ARHGAP24: variants seen among roughly 807,000 people sequenced by gnomAD.
ARHGAP24 encodes rho GTPase-activating protein 24.
ARHGAP24 carries 50 observed loss-of-function variants against 76.4 expected under a neutral mutation model. The ratio of observed to expected loss-of-function variants is 0.65; its 90% CI spans 0.52 to 0.83. The LOEUF (loss-of-function observed/expected upper bound fraction) is 0.83. ARHGAP24 is among the 40% of genes least tolerant of loss of function. The pLI, the probability that ARHGAP24 is intolerant of heterozygous loss-of-function variation, is 0.00. For synonymous variants in ARHGAP24, 345 were observed against 323.3 expected (o/e 1.07, Z -0.72); for missense variants, 930 against 914.2 (o/e 1.02, Z -0.22).
At chr4:85,549,788 A>G (rs939926836) in intron 1 of ARHGAP24, among the ~76,000 whole-genome samples, 2 of 152,134 alleles carry the variant, frequency 1.3e-5, no homozygotes, top group Non-Finnish European at 2.9e-5. Flanking sequence ...AGGCCCTGGC[A>G]TCTCTCGCTC....
At chr4:85,996,367 A>G (rs933318872) in intron 9 of ARHGAP24, among the ~76,000 whole-genome samples, 9 of 152,250 alleles carry the variant, frequency 5.9e-5, no homozygotes, top group Non-Finnish European at 1.5e-5. Context: ...CAATTATGCT[A>G]AAACCTAATT....
intron 3 of ARHGAP24, among the ~76,000 whole-genome samples, chr4:85,732,048 A>G (rs1725430891): frequency 2.0e-5 from 3 of 152,230 alleles, no homozygotes; most frequent in Admixed American, 2.0e-4. Flanking sequence ...GGTTTTAATT[A>G]TGCATTCTCA....
chr4:85,577,442 A>G (rs1221698774), intron 2 of ARHGAP24, among the ~76,000 whole-genome samples: 1 of 152,160 alleles, frequency 6.6e-6, no homozygotes, highest in Non-Finnish European at 1.5e-5. Flanking sequence ...GAAGGATCAG[A>G]TGGACCAGAC....
intron 3 of ARHGAP24, among the ~76,000 whole-genome samples, chr4:85,902,527 G>T (rs1382417084): frequency 6.6e-6 from 1 of 152,188 alleles, no homozygotes; most frequent in African/African-American, 2.4e-5. Context: ...AGAGAAGAAA[G>T]TAAAACCTCC....
intron 1 of ARHGAP24, among the ~76,000 whole-genome samples, chr4:85,484,023 A>G (rs1290426176): frequency 6.6e-6 from 1 of 152,232 alleles, no homozygotes; most frequent in Non-Finnish European, 1.5e-5. Flanking sequence ...GTACACATTG[A>G]TATTGTATTG....
intron 3 of ARHGAP24, among the ~76,000 whole-genome samples, chr4:85,847,943 TGAA>T (rs1466007467): frequency 6.6e-6 from 1 of 152,092 alleles, no homozygotes; most frequent in Non-Finnish European, 1.5e-5. Context: ...ATTTTTCAGT[TGAA>T]GAAAATCCAT....
intron 9 of ARHGAP24, among the ~76,000 whole-genome samples, chr4:85,998,222 G>T (rs1002749614): frequency 6.6e-6 from 1 of 151,966 alleles, no homozygotes; most frequent in South Asian, 2.1e-4. Flanking sequence ...TTATAATTTT[G>T]TCATATTTTA....
chr4:85,475,706 GGGGGGC>G (rs1722563978), intron 1 of ARHGAP24, 147 bp downstream of exon 1: 1 of 69,364 alleles, frequency 1.4e-5, no homozygotes, highest in Non-Finnish European at 3.5e-5. Context: ...AGGGGGCTGC[GGGGGGC>G]GGGGAGGGGG....
chr4:85,955,649 G>GGAAATACT (rs1427754130), intron 5 of ARHGAP24, among the ~76,000 whole-genome samples: 3 of 152,034 alleles, frequency 2.0e-5, no homozygotes, highest in Non-Finnish European at 4.4e-5. Context: ...CCATAACTTG[G>GGAAATACT]GAAATACTAG....
intron 3 of ARHGAP24, among the ~76,000 whole-genome samples, chr4:85,882,905 A>ACAACTTGGCACTG (rs1404359965): frequency 4.6e-5 from 7 of 152,188 alleles, no homozygotes; most frequent in Non-Finnish European, 7.3e-5. Context: ...TGGGCAGGAC[A>ACAACTTGGCACTG]CAACTTGGCA....
At chr4:85,967,566 A>G (rs367890590) in intron 5 of ARHGAP24, among the ~76,000 whole-genome samples, 17 of 152,300 alleles carry the variant, frequency 1.1e-4, no homozygotes, top group African/African-American at 3.6e-4. Flanking sequence ...CCAAACTTAT[A>G]TGTTGCTCAG....
At chr4:85,543,662 T>C (rs1725796913) in intron 1 of ARHGAP24, among the ~76,000 whole-genome samples, 2 of 152,248 alleles carry the variant, frequency 1.3e-5, no homozygotes, top group African/African-American at 4.8e-5. Context: ...TTTTTTCTAA[T>C]TAATTGGAAA....
At position 85,836,938 on chromosome 4, in the gene ARHGAP24, A is replaced by G. The variant is rs541863702; in HGVS notation, c.269-86710A>G. Among the ~76,000 whole-genome samples the G allele has an allele frequency of 1.7e-4, 26 of 152,282 alleles. 1 individual carries two copies. The South Asian group carries it at 5.4e-3, about 32-fold the overall frequency. On this transcript the variant is annotated intron_variant, in intron 3 of 9. Transcript: ENST00000395184. ...TTAAAGTTTCAGAAGAGCTGTTCCAACTCACAGAGTAGAAGCCCAATTCTC... is the reference window on the plus strand; with the variant it reads ...TTAAAGTTTCAGAAGAGCTGTTCCAGCTCACAGAGTAGAAGCCCAATTCTC...
intron 2 of ARHGAP24, among the ~76,000 whole-genome samples, chr4:85,699,441 T>C (rs1485251082): frequency 6.6e-6 from 1 of 151,954 alleles, no homozygotes; most frequent in East Asian, 1.9e-4. Flanking sequence ...AAAAAATAAT[T>C]TTTCAAAAAA....
chr4:85,856,534 G>A (rs1302371116), intron 3 of ARHGAP24, among the ~76,000 whole-genome samples: 1 of 140,210 alleles, frequency 7.1e-6, no homozygotes, highest in Non-Finnish European at 1.5e-5. Flanking sequence ...GCAATGGCAT[G>A]ACCTGGGCTC....
At chr4:85,991,409 A>T (rs1740310733) in intron 8 of ARHGAP24, 1 of 152,160 alleles carries the variant, frequency 6.6e-6, no homozygotes, top group Non-Finnish European at 1.5e-5. Flanking sequence ...TTGCAGCCAC[A>T]TGTTCATATC....
chr4:85,831,726 A>T (rs557845572), intron 3 of ARHGAP24, among the ~76,000 whole-genome samples: 1 of 152,104 alleles, frequency 6.6e-6, no homozygotes, highest in South Asian at 2.1e-4. Flanking sequence ...ACATAGCAAA[A>T]CTCAGTCTCT....
chr4:85,838,197 A>G (rs1253443766), intron 3 of ARHGAP24, among the ~76,000 whole-genome samples: 2 of 152,226 alleles, frequency 1.3e-5, no homozygotes, highest in Non-Finnish European at 2.9e-5. Flanking sequence ...CGTGACATCA[A>G]CTAGTGGCAG....
At chr4:85,791,831 A>G (rs1310981096) in intron 3 of ARHGAP24, among the ~76,000 whole-genome samples, 1 of 152,200 alleles carries the variant, frequency 6.6e-6, no homozygotes, top group Admixed American at 6.5e-5. Context: ...AGGCAAAAAA[A>G]ATTTCAAATG....
Sources: allele counts gnomAD v4.1 joint callset (sites outside exome capture counted in the v4.1 genomes callset), GRCh38; gene constraint gnomAD v4.1.1; transcripts MANE v1.5; gene names NCBI Gene and HGNC (gene_info 2026-07-23, HGNC 2026-07-21).